TMEM163: variants seen among roughly 807,000 people sequenced by gnomAD.
TMEM163 encodes the protein transmembrane protein 163.
In TMEM163, 17 loss-of-function variants were observed where a neutral mutation model predicts 29.3. The observed-to-expected ratio is 0.58, with a 90% CI of 0.40 to 0.87. TMEM163 has a LOEUF of 0.87. TMEM163 is among the 40% of genes least tolerant of loss of function. The probability of loss-of-function intolerance (pLI) is 0.00; values close to 1 mark genes in which losing one functional copy is unlikely to be tolerated. For missense variants in TMEM163, 303 were observed against 381.5 expected (o/e 0.79, Z 1.71); for synonymous variants, 157 against 160.6 (o/e 0.98, Z 0.17).
chr2:134,502,298 A>G (rs1396520859), intron 5 of TMEM163, among the ~76,000 whole-genome samples: 1 of 152,150 alleles, frequency 6.6e-6, no homozygotes, highest in Non-Finnish European at 1.5e-5. Flanking sequence ...TGTCACGAAG[A>G]CTGCATGACA....
intron 2 of TMEM163, among the ~76,000 whole-genome samples, chr2:134,681,843 A>G (rs1684255530): frequency 6.6e-6 from 1 of 152,216 alleles, no homozygotes; most frequent in African/African-American, 2.4e-5. Flanking sequence ...TTTAGTTTTC[A>G]CATACCCCAA....
intron 5 of TMEM163, among the ~76,000 whole-genome samples, chr2:134,485,492 A>G (rs962165596): frequency 6.6e-6 from 1 of 152,214 alleles, no homozygotes; most frequent in Non-Finnish European, 1.5e-5. Flanking sequence ...GAACTGCGTA[A>G]GTGAGTCTGA....
At chr2:134,710,367 C>T (rs1481916034) in intron 2 of TMEM163, among the ~76,000 whole-genome samples, 1 of 152,032 alleles carries the variant, frequency 6.6e-6, no homozygotes, top group African/African-American at 2.4e-5. Flanking sequence ...TCAAAAGAGC[C>T]AACAGCATTT....
intron 4 of TMEM163, among the ~76,000 whole-genome samples, chr2:134,547,297 C>T (rs545072353): frequency 6.6e-6 from 1 of 152,318 alleles, no homozygotes; most frequent in East Asian, 1.9e-4. Flanking sequence ...AAACCAAACT[C>T]TCTTTCCCTG....
chr2:134,561,540 A>G (rs2104777860), intron 2 of TMEM163, among the ~76,000 whole-genome samples: 1 of 152,248 alleles, frequency 6.6e-6, no homozygotes, highest in Admixed American at 6.5e-5. Context: ...TAGTGGAGAC[A>G]GGGTTTCACC....
chr2:134,633,098 T>G (rs537267986), intron 2 of TMEM163, among the ~76,000 whole-genome samples: 68 of 152,042 alleles, frequency 4.5e-4, no homozygotes, highest in Admixed American at 7.9e-4. Flanking sequence ...GGAGATTAGG[T>G]TTCAACATGA....
At chr2:134,514,168 G>T (rs1378031148) in intron 4 of TMEM163, among the ~76,000 whole-genome samples, 2 of 152,182 alleles carry the variant, frequency 1.3e-5, no homozygotes, top group African/African-American at 2.4e-5. Flanking sequence ...CATGTGGAGG[G>T]GGGCTATGGT....
At chr2:134,699,774 T>G (rs1036142914) in intron 2 of TMEM163, among the ~76,000 whole-genome samples, 1 of 152,222 alleles carries the variant, frequency 6.6e-6, no homozygotes, top group East Asian at 1.9e-4. Flanking sequence ...CAATTTTTGT[T>G]TGAGTGCTCT....
chr2:134,494,593 C>G (rs758951533), intron 5 of TMEM163, among the ~76,000 whole-genome samples: 7 of 152,198 alleles, frequency 4.6e-5, no homozygotes, highest in Admixed American at 4.6e-4. Context: ...CCAAAAGGCC[C>G]ACCAACTTGC....
intron 5 of TMEM163, among the ~76,000 whole-genome samples, chr2:134,473,427 T>C (rs1014113813): frequency 1.3e-5 from 2 of 150,904 alleles, no homozygotes; most frequent in African/African-American, 4.9e-5. Flanking sequence ...CCCAGCTACA[T>C]GAGAGGCTGA....
intron 4 of TMEM163, among the ~76,000 whole-genome samples, chr2:134,530,613 A>G (rs1288146799): frequency 6.6e-6 from 1 of 152,152 alleles, no homozygotes; most frequent in African/African-American, 2.4e-5. Context: ...GAGAAATTCA[A>G]AGAAGGCTTC....
intron 4 of TMEM163, among the ~76,000 whole-genome samples, chr2:134,542,411 G>A (rs1029540619): frequency 3.9e-5 from 6 of 152,206 alleles, no homozygotes; most frequent in African/African-American, 7.2e-5. Flanking sequence ...CATTAGCTTC[G>A]TACGGCTGCC....
At chr2:134,473,136 G>C (rs1400236206) in intron 5 of TMEM163, among the ~76,000 whole-genome samples, 1 of 152,026 alleles carries the variant, frequency 6.6e-6, no homozygotes, top group African/African-American at 2.4e-5. Flanking sequence ...TGTTTAAAAG[G>C]CCTAATATCA....
At chr2:134,465,840 T>C (rs1686659071) in intron 6 of TMEM163, among the ~76,000 whole-genome samples, 1 of 152,206 alleles carries the variant, frequency 6.6e-6, no homozygotes, top group African/African-American at 2.4e-5. Context: ...TTGTGCTTCA[T>C]GATTAAGAGG....
intron 3 of TMEM163, 141 bp downstream of exon 3, chr2:134,551,907 T>C (rs1365217556): frequency 4.7e-6 from 3 of 643,418 alleles, no homozygotes; most frequent in South Asian, 2.1e-5. Flanking sequence ...CATTTTTTAA[T>C]AGAAGTGGGT....
chr2:134,551,681 G>A (rs907356102), intron 3 of TMEM163, among the ~76,000 whole-genome samples: 2 of 152,166 alleles, frequency 1.3e-5, no homozygotes, highest in African/African-American at 2.4e-5. Context: ...TCATCCTAGC[G>A]CAAGTAGCCC....
intron 4 of TMEM163, among the ~76,000 whole-genome samples, chr2:134,542,411 G>T (rs1029540619): frequency 6.6e-6 from 1 of 152,088 alleles, no homozygotes; most frequent in African/African-American, 2.4e-5. Context: ...CATTAGCTTC[G>T]TACGGCTGCC....
At chr2:134,672,541 A>G (rs1341851412) in intron 2 of TMEM163, among the ~76,000 whole-genome samples, 1 of 151,906 alleles carries the variant, frequency 6.6e-6, no homozygotes, top group Admixed American at 6.6e-5. Context: ...CTGCCTGGCT[A>G]ATTTTATTTT....
At chr2:134,599,255 A>G (rs1443693596) in intron 2 of TMEM163, among the ~76,000 whole-genome samples, 1 of 152,220 alleles carries the variant, frequency 6.6e-6, no homozygotes, top group Non-Finnish European at 1.5e-5. Context: ...GAAAGGGTTT[A>G]CACGTTTTAG....
Sources: gnomAD v4.1 joint callset for allele counts (sites outside exome capture counted in the v4.1 genomes callset) on GRCh38, gnomAD v4.1.1 for gene constraint, MANE v1.5 for transcripts, NCBI Gene and HGNC (gene_info 2026-07-23, HGNC 2026-07-21) for gene names.